PDCD2: variants seen among roughly 807,000 people sequenced by gnomAD.
The protein encoded by PDCD2 is programmed cell death 2, also known as uS5 assembly chaperone PDCD2.
PDCD2 carries 38 observed loss-of-function variants against 38.1 expected under a neutral mutation model. That is an observed-to-expected ratio of 1.00 (90% confidence interval 0.77 to 1.31). PDCD2 has a LOEUF of 1.31. Ranked by LOEUF, PDCD2 falls within the 50% of genes most tolerant of loss-of-function variation. The pLI is 0.00. For missense variants in PDCD2, 473 were observed against 435.7 expected, an observed-to-expected ratio of 1.09 and a Z score of -0.76; for synonymous variants, 205 against 168.9, an observed-to-expected ratio of 1.21 and a Z score of -1.66.
intron 5 of PDCD2, chr6:170,578,493 G>A: frequency 3.1e-6 from 2 of 639,784 alleles, no homozygotes; most frequent in South Asian, 1.8e-5. Context: ...AAAGTATATA[G>A]TCAAAGACTT....
chr6:170,581,515 T>C (rs12189803), intron 3 of PDCD2: 8,524 of 152,610 alleles, frequency 0.056, 280 homozygotes, highest in African/African-American at 0.076. Flanking sequence ...TTATCCTTAA[T>C]CTTTGATATG....
At chr6:170,580,139 G>T in intron 3 of PDCD2, 34 bp from the exon 4 acceptor site, 1 of 1,280,984 alleles carries the variant, frequency 7.8e-7, no homozygotes, top group South Asian at 1.2e-5. Flanking sequence ...TGAAAAACAG[G>T]AGTAATCCCC....
chr6:170,582,253 T>C (rs779439052), intron 3 of PDCD2: 1 of 1,454,052 alleles, frequency 6.9e-7, no homozygotes, highest in South Asian at 1.2e-5. Context: ...GAGTGTTGCT[T>C]CCCATTATAT....
chr6:170,578,703 C>G, intron 5 of PDCD2, 154 bp downstream of exon 5: 1 of 711,380 alleles, frequency 1.4e-6, no homozygotes, highest in Non-Finnish European at 2.6e-6. Flanking sequence ...GGAACTAGCC[C>G]CAAGGTGAGG....
chr6:170,582,180 G>A, intron 3 of PDCD2: 1 of 1,499,610 alleles, frequency 6.7e-7, no homozygotes, highest in Non-Finnish European at 9.0e-7. Flanking sequence ...GTCATTATAT[G>A]GACTTTAACT....
Position 170,583,612 on chromosome 6 carries a change from C to A in PDCD2, c.419G>T (p.Cys140Phe). The change falls in exon 2 of 6, where the codon TGT becomes TTT. Residue 140 changes from cysteine to phenylalanine, a missense_variant. Cys to Phe is a radical substitution (Grantham distance 205). Coordinates refer to ENST00000541970, the MANE Select transcript of PDCD2 (RefSeq NM_002598.4). ...TCTGGAGCACGTTTTGGGGCCTAAA[C>A]AGCCACAAACCCTGCAGAGATGAGC... is the stretch of plus-strand genomic sequence containing the variant. ...SGAHLCRVCG[C>F]LGPKTCSRCH... is the part of the protein sequence containing the mutation. 1 of 1,614,028 alleles carries A rather than the reference C, an allele frequency of 6.2e-7. No individual in the cohort carries two copies. Among genetic ancestry groups the A allele is most frequent in the Non-Finnish European group, 8.5e-7 (1 of 1,179,918 alleles).
chr6:170,583,153 G>T lies in PDCD2; in HGVS notation c.562C>A (p.Leu188Ile), dbSNP rs773053732. 1 of 1,612,442 alleles carries T rather than the reference G, an allele frequency of 6.2e-7. No individual in the cohort carries two copies. The highest frequency in any genetic ancestry group is 8.5e-7 in the Non-Finnish European group (1 of 1,179,160). Residue 188 changes from leucine to isoleucine, a missense_variant, in exon 3 of 6, where the codon CTT (leucine) becomes ATT (isoleucine). Coordinates refer to ENST00000541970, the MANE Select transcript of PDCD2 (RefSeq NM_002598.4). Reference sequence around the variant, plus strand: ...ATTACAATTTCAAATTCTGGAAAAAGGAAGTTGTGGTCTGGAATTATATGG... The same window carrying T: ...ATTACAATTTCAAATTCTGGAAAAATGAAGTTGTGGTCTGGAATTATATGG... Reference protein sequence around the residue: ...LDHIIPDHNFLFPEFEIVIET... With the variant: ...LDHIIPDHNFIFPEFEIVIET...
chr6:170,578,929 A>G lies in PDCD2; in HGVS notation c.804T>C (p.Ser268=), dbSNP rs759193086. 2.3e-5 allele frequency: 37 copies of G among 1,604,868 alleles called. No homozygotes were observed. The highest frequency in any genetic ancestry group is 2.0e-5 in the Non-Finnish European group (23 of 1,177,314). The change falls in exon 5 of 6, where the codon TCT becomes TCC. Residue 268 remains serine (S), a synonymous_variant. Transcript: ENST00000541970. Reference sequence around the variant, plus strand: ...CCTTTTCTTGAGGAATATTTTCACCAGAAATCCAGATGGGGGCAATACCTC... The same window carrying G: ...CCTTTTCTTGAGGAATATTTTCACCGGAAATCCAGATGGGGGCAATACCTC... ...YGRGIAPIWI[S]GENIPQEKDI... is the part of the protein sequence containing the mutation.
At chr6:170,581,819 G>C in intron 3 of PDCD2, 1 of 224,456 alleles carries the variant, frequency 4.5e-6, no homozygotes. Flanking sequence ...TTCTACTAGA[G>C]ATGTACTGTC....
intron 3 of PDCD2, chr6:170,582,722 T>C (rs911448920): frequency 8.1e-7 from 1 of 1,239,198 alleles, no homozygotes; most frequent in Non-Finnish European, 1.0e-6. Flanking sequence ...CCCTTCTGCG[T>C]GCCCGACACT....
intron 3 of PDCD2, chr6:170,582,724 C>T: frequency 8.1e-7 from 1 of 1,242,104 alleles, no homozygotes; most frequent in African/African-American, 1.6e-5. Context: ...CTTCTGCGTG[C>T]CCGACACTGT....
At chr6:170,583,445 A>G (rs1392202152) in intron 2 of PDCD2, 60 bp downstream of exon 2, 2 of 1,545,518 alleles carry the variant, frequency 1.3e-6, no homozygotes, top group Non-Finnish European at 1.8e-6. Context: ...TTGTCCTGGA[A>G]ATATCTGGGT....
At chr6:170,581,948 A>G in intron 3 of PDCD2, 1 of 513,494 alleles carries the variant, frequency 1.9e-6, no homozygotes, top group South Asian at 2.2e-5. Context: ...ATAATCTTAA[A>G]ATACTCATAC....
At position 170,583,680 on chromosome 6, in the gene PDCD2, G is replaced by A; in HGVS notation, c.351C>T (p.Pro117=). ...GACACACTGATTCTCCTGTTTCTGG[G>A]GGAGGATTCTCAGAAGGTGGCTCAT... ...YSYEPPSENP[P]PETGESVCLQ... Residue 117 remains proline, a synonymous_variant, in exon 2 of 6, where the codon CCC becomes CCT. Transcript: ENST00000541970. 6.2e-7 allele frequency: 1 copy of A among 1,613,922 alleles called. No homozygotes were observed. The highest frequency in any genetic ancestry group is 8.5e-7 in the Non-Finnish European group (1 of 1,179,862).
At chr6:170,578,817 T>C (rs765622584) in intron 5 of PDCD2, 40 bp downstream of exon 5, 21 of 1,218,190 alleles carry the variant, frequency 1.7e-5, no homozygotes, top group Non-Finnish European at 2.3e-5. Context: ...AAAACAATCA[T>C]GGTGATTACA....
rs1296786733 is a variant in PDCD2, at chr6:170,584,501, G to A, written c.81C>T (p.Phe27=). ...CCGGCCGCCCGCCCACCTTGCTGGG[G>A]AACTGCTCGCTGCGCAGTCGCCACG... ...APAWRLRSEQ[F]PSKVGGRPAW... is the part of the protein sequence containing the mutation. Residue 27 remains phenylalanine, a synonymous_variant, in exon 1 of 6, where the codon TTC becomes TTT. Coordinates refer to ENST00000541970, the MANE Select transcript of PDCD2 (RefSeq NM_002598.4). 1.5e-6 allele frequency: 2 copies of A among 1,361,712 alleles called. No individual in the cohort carries two copies. Among genetic ancestry groups the A allele is most frequent in the Admixed American group, 3.2e-5 (1 of 30,886 alleles). The allele number at this position is 1,361,712 out of a possible 1,614,324, so 84.4% of individuals were successfully genotyped here.
At chr6:170,582,335 A>T in intron 3 of PDCD2, 1 of 1,535,008 alleles carries the variant, frequency 6.5e-7, no homozygotes, top group South Asian at 1.2e-5. Context: ...GACTGGTATG[A>T]ACTACAAACC....
chr6:170,578,064 A>G (rs1002352305), intron 5 of PDCD2, among the ~76,000 whole-genome samples: 4 of 152,196 alleles, frequency 2.6e-5, no homozygotes, highest in Admixed American at 2.0e-4. Flanking sequence ...AAGAAACACT[A>G]ATTACTAGTA....
chr6:170,576,845 G>A lies in PDCD2; in HGVS notation c.*714C>T, dbSNP rs1562365608. ...CCGCTGGCTGACCAAGATCAGTTCT[G>A]AAGGTCCAGCCTCTTTAAATTCCAG... On this transcript the variant is annotated 3_prime_UTR_variant, in exon 6 of 6. Coordinates refer to ENST00000541970, the MANE Select transcript of PDCD2 (RefSeq NM_002598.4). The A allele has an allele frequency of 6.6e-6, 1 of 152,268 alleles. No homozygotes were observed. The highest frequency in any genetic ancestry group is 2.4e-5 in the African/African-American group (1 of 41,462). 9.4% of individuals were successfully genotyped at this position (152,268 alleles called of 1,614,324 possible).
Sources: allele counts gnomAD v4.1 joint callset (sites outside exome capture counted in the v4.1 genomes callset), GRCh38; gene constraint gnomAD v4.1.1; transcripts MANE v1.5; gene names NCBI Gene and HGNC (gene_info 2026-07-23, HGNC 2026-07-21).